The following ARL15 variants were observed in gnomAD, a reference collection of about 807,000 sequenced individuals.
ARL15 encodes ARF like GTPase 15.
Under a neutral mutation model 25.2 loss-of-function variants are expected in ARL15, and 19 were observed. The ratio of observed to expected loss-of-function variants is 0.75; its 90% CI spans 0.53 to 1.10. The LOEUF (loss-of-function observed/expected upper bound fraction) is 1.10, where lower values mean the gene tolerates loss of function less well. Among genes scored for constraint, ARL15 ranks in the 50% least tolerant of loss-of-function variants. ARL15 has a pLI of 0.00. For missense variants in ARL15, 220 were observed against 246.0 expected, an observed-to-expected ratio of 0.89 and a Z score of 0.71; for synonymous variants, 94 against 86.8, an observed-to-expected ratio of 1.08 and a Z score of -0.46.
intron 4 of ARL15, among the ~76,000 whole-genome samples, chr5:54,099,042 G>C (rs1389318850): frequency 6.6e-6 from 1 of 152,136 alleles, no homozygotes; most frequent in Non-Finnish European, 1.5e-5. Context: ...AATCACGTTA[G>C]GAGCACACAC....
intron 2 of ARL15, among the ~76,000 whole-genome samples, chr5:54,155,024 G>C (rs1231309631): frequency 6.6e-6 from 1 of 152,142 alleles, no homozygotes; most frequent in African/African-American, 2.4e-5. Context: ...GGGAGGCTGA[G>C]GCAGGAGAAT....
In ARL15 at chr5:54,047,252, T is replaced by A. The variant is rs1355360869; in HGVS notation, c.462+65950A>T. On this transcript the variant is annotated intron_variant, in intron 4 of 4. Coordinates refer to ENST00000504924, the MANE Select transcript of ARL15 (RefSeq NM_019087.3). ...TTAAACAAAACAAGTCAGAAGTAGT[T>A]CCACTGAAAGTTTCAAAATGTAAGG... 3.3e-5 allele frequency among the ~76,000 whole-genome samples: 5 copies of A among 152,120 alleles called. No homozygotes were observed. In the East Asian group the frequency reaches 9.6e-4, roughly 29 times the overall value.
At chr5:53,909,976 T>C (rs1745400219) in intron 4 of ARL15, among the ~76,000 whole-genome samples, 1 of 152,198 alleles carries the variant, frequency 6.6e-6, no homozygotes, top group African/African-American at 2.4e-5. Context: ...TTAAGAAATA[T>C]GGATTTTTAT....
At chr5:53,901,855 T>G (rs1031864536) in intron 4 of ARL15, among the ~76,000 whole-genome samples, 3 of 152,224 alleles carry the variant, frequency 2.0e-5, no homozygotes, top group African/African-American at 2.4e-5. Context: ...TGCTAAAAGC[T>G]TAGACTGGGA....
intron 1 of ARL15, among the ~76,000 whole-genome samples, chr5:54,257,780 A>G (rs1486064871): frequency 6.6e-6 from 1 of 152,180 alleles, no homozygotes; most frequent in Non-Finnish European, 1.5e-5. Context: ...AGCCCACACA[A>G]AGAAAGTGCT....
At chr5:53,933,775 G>C (rs1746272976) in intron 4 of ARL15, among the ~76,000 whole-genome samples, 1 of 151,224 alleles carries the variant, frequency 6.6e-6, no homozygotes, top group African/African-American at 2.4e-5. Context: ...TTTCTTCTAA[G>C]TTGCTTAGTT....
At chr5:54,105,962 T>C (rs982611766) in intron 4 of ARL15, among the ~76,000 whole-genome samples, 13 of 152,188 alleles carry the variant, frequency 8.5e-5, no homozygotes, top group Non-Finnish European at 1.2e-4. Context: ...ATTTTGATGC[T>C]AGCAAACAAC....
At chr5:53,961,487 C>T (rs1747369047) in intron 4 of ARL15, among the ~76,000 whole-genome samples, 1 of 107,404 alleles carries the variant, frequency 9.3e-6, no homozygotes, top group African/African-American at 3.9e-5. Flanking sequence ...GACAGAGAGA[C>T]TCTGTCTCAA....
chr5:54,094,794 TTTGTTCATCTGA>T lies in ARL15; in HGVS notation c.462+18396_462+18407del, dbSNP rs573468674. Among the ~76,000 whole-genome samples, 30 of 152,302 alleles carry T rather than the reference TTTGTTCATCTGA, an allele frequency of 2.0e-4. No individual in the cohort carries two copies. In the East Asian group the frequency reaches 5.8e-3, roughly 29 times the overall value. On this transcript the variant is annotated intron_variant, in intron 4 of 4. Transcript: ENST00000504924. ...TGTCCCATCATAAGCACTGAATAAA[TTTGTTCATCTGA>T]CAAGTATTTATGAGCATCTACTATG...
At chr5:54,282,241 T>C (rs1758077322) in intron 1 of ARL15, 1 of 985,282 alleles carries the variant, frequency 1.0e-6, no homozygotes, top group South Asian at 4.7e-5. Flanking sequence ...TTTCACAACA[T>C]GTGGTACCAC....
intron 3 of ARL15, among the ~76,000 whole-genome samples, chr5:54,138,705 A>G (rs1331313416): frequency 6.6e-6 from 1 of 152,228 alleles, no homozygotes; most frequent in Non-Finnish European, 1.5e-5. Flanking sequence ...GCTTCTGCAC[A>G]GCCGAAGAAA....
chr5:54,177,002 C>G (rs772882095), intron 1 of ARL15, among the ~76,000 whole-genome samples: 1 of 152,172 alleles, frequency 6.6e-6, no homozygotes, highest in Non-Finnish European at 1.5e-5. Context: ...CACAACCTGT[C>G]CCCACTCCCC....
chr5:54,026,731 T>C (rs984395071), intron 4 of ARL15, among the ~76,000 whole-genome samples: 1 of 152,192 alleles, frequency 6.6e-6, no homozygotes, highest in Non-Finnish European at 1.5e-5. Context: ...AAATATTGCC[T>C]GAGCCATTAT....
chr5:54,033,327 A>G (rs1481396476), intron 4 of ARL15, among the ~76,000 whole-genome samples: 2 of 152,028 alleles, frequency 1.3e-5, no homozygotes, highest in Non-Finnish European at 2.9e-5. Flanking sequence ...AAAAGACTGT[A>G]CAGACTGTAC....
At chr5:54,114,424 C>CAAAAAAAAAAAAAAAAA (rs1378276588) in intron 3 of ARL15, among the ~76,000 whole-genome samples, 4 of 32,244 alleles carry the variant, frequency 1.2e-4, no homozygotes, top group East Asian at 1.4e-3. Context: ...AAAAAAAAAG[C>CAAAAAAAAAAAAAAAAA]AACACCACAT....
Position 54,304,862 on chromosome 5 carries a change from A to G in ARL15, c.48+5570T>C, listed in dbSNP as rs946840717. 3.4e-4 allele frequency among the ~76,000 whole-genome samples: 51 copies of G among 152,214 alleles called. 1 individual carries two copies. Among genetic ancestry groups the G allele is most frequent in the African/African-American group, 1.2e-3 (51 of 41,558 alleles). On this transcript the variant is annotated intron_variant, in intron 1 of 4. Transcript: ENST00000504924. ...AAACAATGTACTTTTTTTTTTATCAATAAAGAAGTTCAGTTCACAGATAAC... is the reference window on the plus strand; with the variant it reads ...AAACAATGTACTTTTTTTTTTATCAGTAAAGAAGTTCAGTTCACAGATAAC...
At chr5:54,309,729 G>A (rs1456490859) in intron 1 of ARL15, among the ~76,000 whole-genome samples, 2 of 152,104 alleles carry the variant, frequency 1.3e-5, no homozygotes, top group African/African-American at 2.4e-5. Context: ...AATGATGTTC[G>A]GTCCCAGCAC....
intron 2 of ARL15, among the ~76,000 whole-genome samples, chr5:54,155,980 A>C (rs1754222058): frequency 6.6e-6 from 1 of 152,224 alleles, no homozygotes; most frequent in Admixed American, 6.5e-5. Context: ...AGATTAAAAA[A>C]GTTTCTTTTT....
At chr5:53,986,135 G>C (rs1202090781) in intron 4 of ARL15, among the ~76,000 whole-genome samples, 1 of 152,132 alleles carries the variant, frequency 6.6e-6, no homozygotes, top group African/African-American at 2.4e-5. Flanking sequence ...TAAAAGAATA[G>C]AGTACCTATC....
Sources: gnomAD v4.1 joint callset for allele counts (sites outside exome capture counted in the v4.1 genomes callset) on GRCh38, gnomAD v4.1.1 for gene constraint, MANE v1.5 for transcripts, NCBI Gene and HGNC (gene_info 2026-07-23, HGNC 2026-07-21) for gene names.